PCSK5: variants seen among roughly 807,000 people sequenced by gnomAD.
PCSK5 encodes the protein prohormone convertase 5.
In PCSK5, 129 loss-of-function variants were observed where a neutral mutation model predicts 233.2. The ratio of observed to expected loss-of-function variants is 0.55; its 90% CI spans 0.48 to 0.64. The LOEUF is 0.64. Ranked by LOEUF, PCSK5 falls within the 30% of genes least tolerant of loss-of-function variation. The pLI, the probability that PCSK5 is intolerant of heterozygous loss-of-function variation, is 0.00. For synonymous variants in PCSK5, 825 were observed against 879.2 expected, an observed-to-expected ratio of 0.94 and a Z score of 1.09; for missense variants, 2,076 against 2,430.1, an observed-to-expected ratio of 0.85 and a Z score of 3.06.
chr9:76,131,469 C>G (rs951538646), intron 9 of PCSK5, among the ~76,000 whole-genome samples: 2 of 152,028 alleles, frequency 1.3e-5, no homozygotes, highest in African/African-American at 2.4e-5. Flanking sequence ...TAAAACCATC[C>G]AAACACCTTC....
At chr9:75,937,226 T>C (rs548258746) in intron 2 of PCSK5, among the ~76,000 whole-genome samples, 54 of 150,162 alleles carry the variant, frequency 3.6e-4, no homozygotes, top group African/African-American at 1.2e-3. Flanking sequence ...TCACCCAGGC[T>C]AGAGTGCAAT....
intron 5 of PCSK5, among the ~76,000 whole-genome samples, chr9:76,052,666 C>T (rs1368225117): frequency 1.3e-5 from 2 of 152,174 alleles, no homozygotes; most frequent in East Asian, 3.9e-4. Context: ...CTGGCCCCTC[C>T]CAAGTCTCAT....
At chr9:75,995,952 A>G (rs1168327087) in intron 3 of PCSK5, among the ~76,000 whole-genome samples, 3 of 152,132 alleles carry the variant, frequency 2.0e-5, no homozygotes, top group Non-Finnish European at 4.4e-5. Context: ...TATTTCTACT[A>G]TGGCATTTTG....
intron 1 of PCSK5, among the ~76,000 whole-genome samples, chr9:75,901,171 CGT>C (rs1351385438): frequency 2.0e-5 from 3 of 152,086 alleles, no homozygotes; most frequent in Admixed American, 6.6e-5. Context: ...CACATGAACA[CGT>C]ATGTTTATTG....
intron 2 of PCSK5, among the ~76,000 whole-genome samples, chr9:75,955,534 C>G (rs1208993481): frequency 2.6e-5 from 4 of 152,110 alleles, no homozygotes; most frequent in Admixed American, 1.3e-4. Context: ...GATACTACCA[C>G]TACTACTAAA....
At chr9:76,226,530 G>A (rs573080631) in intron 20 of PCSK5, among the ~76,000 whole-genome samples, 1 of 152,126 alleles carries the variant, frequency 6.6e-6, no homozygotes, top group Non-Finnish European at 1.5e-5. Flanking sequence ...CCACCAGCTG[G>A]ATCTCAGATT....
chr9:76,219,848 A>G (rs538546676), intron 20 of PCSK5, among the ~76,000 whole-genome samples: 105 of 152,346 alleles, frequency 6.9e-4, no homozygotes, highest in Non-Finnish European at 9.7e-4. Flanking sequence ...TGAAAGATAA[A>G]TAAGTTATTC....
At chr9:76,214,661 T>C (rs1162552698) in intron 20 of PCSK5, among the ~76,000 whole-genome samples, 3 of 152,198 alleles carry the variant, frequency 2.0e-5, no homozygotes, top group African/African-American at 7.2e-5. Flanking sequence ...TCAAGTAAGT[T>C]AGTATTTGTG....
At chr9:76,034,816 A>G (rs1020937867) in intron 5 of PCSK5, among the ~76,000 whole-genome samples, 1 of 152,244 alleles carries the variant, frequency 6.6e-6, no homozygotes, top group African/African-American at 2.4e-5. Context: ...AGTTCGGGAT[A>G]TAAAATATCC....
At chr9:76,093,148 G>T (rs1341243607) in intron 7 of PCSK5, among the ~76,000 whole-genome samples, 1 of 145,842 alleles carries the variant, frequency 6.9e-6, no homozygotes, top group Non-Finnish European at 1.5e-5. Flanking sequence ...AGCCTGGAGG[G>T]CAGTGAAGCA....
At chr9:75,908,959 C>CTATT (rs1374954229) in intron 1 of PCSK5, among the ~76,000 whole-genome samples, 5 of 112,976 alleles carry the variant, frequency 4.4e-5, no homozygotes, top group African/African-American at 1.1e-4. Flanking sequence ...ATCTATCTAT[C>CTATT]TATCTATCTA....
intron 10 of PCSK5, among the ~76,000 whole-genome samples, chr9:76,153,390 A>G (rs939461952): frequency 6.6e-6 from 1 of 152,228 alleles, no homozygotes; most frequent in Non-Finnish European, 1.5e-5. Context: ...TAGGAATGAA[A>G]AATTCTATTT....
chr9:76,023,797 G>T lies in PCSK5; in HGVS notation c.471G>T (p.Lys157Asn). The T allele has an allele frequency of 1.2e-6, 2 of 1,613,152 alleles. No individual in the cohort carries two copies. The highest frequency in any genetic ancestry group is 1.7e-6 in the Non-Finnish European group (2 of 1,179,196). Reference sequence around the variant, plus strand: ...ACATGAATATCGAAGGAGCCTGGAAGAGAGGCTACACGGGAAAGAACATTG... The same window carrying T: ...ACATGAATATCGAAGGAGCCTGGAATAGAGGCTACACGGGAAAGAACATTG... The part of the protein sequence containing the change: ...QSDMNIEGAW[K>N]RGYTGKNIVV... The change falls in exon 4 of 38, where the codon AAG becomes AAT. Residue 157 changes from lysine (K) to asparagine (N), a missense_variant. Physicochemically the swap from Lys to Asn is moderately conservative, Grantham distance 94. Coordinates refer to ENST00000674117, the MANE Select transcript of PCSK5 (RefSeq NM_001372043.1).
intron 24 of PCSK5, among the ~76,000 whole-genome samples, chr9:76,242,217 G>A (rs111311481): frequency 3.9e-5 from 6 of 152,152 alleles, no homozygotes; most frequent in African/African-American, 1.4e-4. Flanking sequence ...TTATCATTTC[G>A]TTGTGCTAGG....
chr9:75,891,572 T>A (rs1003669850), intron 1 of PCSK5, among the ~76,000 whole-genome samples, 199 bp downstream of exon 1: 2 of 149,096 alleles, frequency 1.3e-5, no homozygotes, highest in African/African-American at 5.0e-5. Context: ...CACCCCAGAG[T>A]TGCCGGGTCC....
chr9:76,162,103 C>A (rs1444904734), intron 12 of PCSK5, among the ~76,000 whole-genome samples: 2 of 152,118 alleles, frequency 1.3e-5, no homozygotes, highest in East Asian at 1.9e-4. Flanking sequence ...ATTGTGAATT[C>A]ATTTGTCTAC....
In PCSK5 at chr9:76,121,827, T is replaced by TATTAGTG. The variant is rs1465102595; in HGVS notation, c.1209-12282_1209-12281insATTAGTG. Among the ~76,000 whole-genome samples, 111 of 21,562 alleles carry TATTAGTG rather than the reference T, an allele frequency of 5.1e-3. 3 individuals carry two copies. The highest frequency in any genetic ancestry group is 9.4e-3 in the South Asian group (7 of 748). 14.1% of individuals were successfully genotyped at this position (21,562 alleles called of 152,430 possible). ...TCTCTTGTATTGGTTTTTTTTTTTTTTTTTTTTTTTTTTTGAGACGGAGTC... is the reference window on the plus strand; with the variant it reads ...TCTCTTGTATTGGTTTTTTTTTTTTTATTAGTGTTTTTTTTTTTTTTGAGACGGAGTC... On this transcript the variant is annotated intron_variant, in intron 9 of 37. Transcript: ENST00000674117.
chr9:76,132,467 C>T (rs958510463), intron 9 of PCSK5, among the ~76,000 whole-genome samples: 1 of 151,938 alleles, frequency 6.6e-6, no homozygotes, highest in Non-Finnish European at 1.5e-5. Flanking sequence ...TATAACTTTA[C>T]CAAGTAGTCT....
intron 2 of PCSK5, among the ~76,000 whole-genome samples, chr9:75,971,563 G>A (rs1300968815): frequency 6.6e-6 from 1 of 152,148 alleles, no homozygotes; most frequent in Non-Finnish European, 1.5e-5. Flanking sequence ...CTGCAAAAGT[G>A]TTCCTGTTTC....
Sources: gnomAD v4.1 joint callset for allele counts (sites outside exome capture counted in the v4.1 genomes callset) on GRCh38, gnomAD v4.1.1 for gene constraint, MANE v1.5 for transcripts, NCBI Gene and HGNC (gene_info 2026-07-23, HGNC 2026-07-21) for gene names.